TLL1: variants seen among roughly 807,000 people sequenced by gnomAD.
The protein encoded by TLL1 is tolloid-like protein 1.
In TLL1, 49 loss-of-function variants were observed where a neutral mutation model predicts 128.2. The ratio of observed to expected loss-of-function variants is 0.38; its 90% CI spans 0.30 to 0.48. TLL1 has a LOEUF of 0.48. Among genes scored for constraint, TLL1 ranks in the 20% least tolerant of loss-of-function variants. TLL1 has a pLI of 0.96. For missense variants in TLL1, 1,123 were observed against 1,242.0 expected (o/e 0.90, Z 1.44); for synonymous variants, 454 against 418.8 (o/e 1.08, Z -1.03).
At chr4:166,097,617 T>C (rs73861108) in intron 19 of TLL1, among the ~76,000 whole-genome samples, 4,045 of 152,242 alleles carry the variant, frequency 0.027, 153 homozygotes, top group African/African-American at 0.078. Context: ...AGGGGTTCCA[T>C]ACCCGTAATT....
At chr4:165,945,789 C>G (rs1734217108) in intron 1 of TLL1, among the ~76,000 whole-genome samples, 1 of 152,062 alleles carries the variant, frequency 6.6e-6, no homozygotes, top group Non-Finnish European at 1.5e-5. Flanking sequence ...GTCTTGCCAC[C>G]TCCACCCCAA....
At chr4:166,072,996 A>G (rs1740859441) in intron 16 of TLL1, among the ~76,000 whole-genome samples, 1 of 152,068 alleles carries the variant, frequency 6.6e-6, no homozygotes, top group African/African-American at 2.4e-5. Context: ...ACTGAGCTTC[A>G]CTCTATCGGG....
At chr4:166,047,386 G>A (rs1017306395) in intron 12 of TLL1, among the ~76,000 whole-genome samples, 5 of 151,264 alleles carry the variant, frequency 3.3e-5, no homozygotes, top group Admixed American at 6.6e-5. Context: ...GGATGGTCTC[G>A]ATCTCCTGAA....
At chr4:166,004,523 A>G (rs571544986) in intron 6 of TLL1, among the ~76,000 whole-genome samples, 1 of 152,218 alleles carries the variant, frequency 6.6e-6, no homozygotes, top group South Asian at 2.1e-4. Flanking sequence ...AAGTGACAGT[A>G]ATTAGTAATA....
At chr4:165,976,905 G>A (rs757577960) in intron 1 of TLL1, among the ~76,000 whole-genome samples, 1 of 152,034 alleles carries the variant, frequency 6.6e-6, no homozygotes, top group African/African-American at 2.4e-5. Flanking sequence ...ACATTATGCG[G>A]TTTTTTTGTA....
chr4:165,955,200 A>G (rs1165619172), intron 1 of TLL1, among the ~76,000 whole-genome samples: 1 of 152,114 alleles, frequency 6.6e-6, no homozygotes, highest in Non-Finnish European at 1.5e-5. Flanking sequence ...CAGTCCTTCA[A>G]ATCAACCCAA....
At chr4:166,028,343 CA>C (rs1482903195) in intron 9 of TLL1, among the ~76,000 whole-genome samples, 2 of 151,992 alleles carry the variant, frequency 1.3e-5, no homozygotes, top group African/African-American at 4.8e-5. Context: ...ATTGTTTCTT[CA>C]ATCATCCTTT....
In TLL1 at chr4:166,002,284, C is replaced by A. The variant is rs939444849; in HGVS notation, c.633-1107C>A. Among the ~76,000 whole-genome samples the A allele has an allele frequency of 3.9e-5, 6 of 152,238 alleles. No homozygotes were observed. The South Asian group carries it at 6.2e-4, about 16-fold the overall frequency. On this transcript the variant is annotated intron_variant, in intron 5 of 20. Transcript: ENST00000061240. Reference sequence around the variant, plus strand: ...GGCAGAGTCCTCCTGATCCTCAAATCACCTTCCAAGGGCTCTGCCTTCAAA... The same window carrying A: ...GGCAGAGTCCTCCTGATCCTCAAATAACCTTCCAAGGGCTCTGCCTTCAAA...
Position 166,060,491 on chromosome 4 carries a change from A to G in TLL1, c.2007+303A>G, listed in dbSNP as rs28366617. On this transcript the variant is annotated intron_variant, in intron 15 of 20. Transcript: ENST00000061240. ...AGGGTCAACTTCATGTCACATAGAC[A>G]CTTCTAGAAAAAAATAAACCAAAAC... Among the ~76,000 whole-genome samples, 48,297 of 151,926 alleles carry G rather than the reference A, an allele frequency of 0.32. 7,872 individuals carry two copies. The highest frequency in any genetic ancestry group is 0.43 in the East Asian group (2,238 of 5,146).
chr4:165,954,243 G>A (rs565482723), intron 1 of TLL1, among the ~76,000 whole-genome samples: 1 of 152,138 alleles, frequency 6.6e-6, no homozygotes, highest in African/African-American at 2.4e-5. Flanking sequence ...AATGTTTTGG[G>A]GTGAGATTGA....
At chr4:165,984,860 C>A (rs866730896) in intron 1 of TLL1, among the ~76,000 whole-genome samples, 3 of 151,906 alleles carry the variant, frequency 2.0e-5, no homozygotes, top group Admixed American at 1.3e-4. Context: ...ACAGTAACCA[C>A]TAGAGATTGA....
intron 1 of TLL1, among the ~76,000 whole-genome samples, chr4:165,923,285 TGTAA>T (rs889899564): frequency 6.6e-5 from 10 of 152,056 alleles, no homozygotes; most frequent in East Asian, 1.9e-4. Flanking sequence ...TGCTGACTTT[TGTAA>T]GTAAGAGATT....
chr4:165,911,878 T>C (rs1453435352), intron 1 of TLL1, among the ~76,000 whole-genome samples: 2 of 152,092 alleles, frequency 1.3e-5, no homozygotes, highest in South Asian at 2.1e-4. Flanking sequence ...TTTTGTTTTG[T>C]TTTGTTTCGT....
At chr4:166,058,091 T>C (rs1361591882) in intron 14 of TLL1, among the ~76,000 whole-genome samples, 2 of 152,208 alleles carry the variant, frequency 1.3e-5, no homozygotes, top group African/African-American at 4.8e-5. Flanking sequence ...TTAATGTATC[T>C]GTAGATATCT....
At chr4:166,078,092 A>C in intron 18 of TLL1, 62 bp downstream of exon 18, 2 of 1,606,098 alleles carry the variant, frequency 1.2e-6, no homozygotes, top group Non-Finnish European at 8.5e-7. Flanking sequence ...CACTACAAGC[A>C]CTTGGAAATA....
chr4:166,014,374 G>A lies in TLL1; in HGVS notation c.918-62G>A, dbSNP rs952429451. On this transcript the variant is annotated intron_variant, in intron 7 of 20. Coordinates refer to ENST00000061240, the MANE Select transcript of TLL1 (RefSeq NM_012464.5). Reference sequence around the variant, plus strand: ...AGTTTGAAATAAATACCTTATAAATGTAAGGAATTCATGAGTTTTCATTTG... The same window carrying A: ...AGTTTGAAATAAATACCTTATAAATATAAGGAATTCATGAGTTTTCATTTG... 7.9e-5 allele frequency: 127 copies of A among 1,606,378 alleles called. 1 individual carries two copies. The highest frequency in any genetic ancestry group is 3.3e-5 in the Admixed American group (2 of 59,810).
intron 16 of TLL1, among the ~76,000 whole-genome samples, chr4:166,068,399 C>T (rs1264466412): frequency 1.3e-5 from 2 of 151,724 alleles, no homozygotes; most frequent in African/African-American, 4.8e-5. Context: ...TCTAATAATG[C>T]TTTCAGTGTG....
chr4:166,059,681 G>A (rs1162486779), intron 14 of TLL1, among the ~76,000 whole-genome samples: 1 of 151,792 alleles, frequency 6.6e-6, no homozygotes, highest in East Asian at 1.9e-4. Context: ...TTCTGTAGTG[G>A]CCAAGGCACT....
At chr4:166,022,533 T>C (rs932509900) in intron 8 of TLL1, among the ~76,000 whole-genome samples, 1 of 152,182 alleles carries the variant, frequency 6.6e-6, no homozygotes, top group East Asian at 1.9e-4. Flanking sequence ...TGTCTACTTA[T>C]GTTATCATTA....
Sources: gnomAD v4.1 joint callset for allele counts (sites outside exome capture counted in the v4.1 genomes callset) on GRCh38, gnomAD v4.1.1 for gene constraint, MANE v1.5 for transcripts, NCBI Gene and HGNC (gene_info 2026-07-23, HGNC 2026-07-21) for gene names.